The following CCDC39 variants were observed in gnomAD, a reference collection of about 807,000 sequenced individuals.
The protein encoded by CCDC39 is coiled-coil domain-containing protein 39.
CCDC39 carries 113 observed loss-of-function variants against 121.0 expected under a neutral mutation model. That is an observed-to-expected ratio of 0.93 (90% CI 0.80 to 1.09). CCDC39 has a LOEUF of 1.09. Ranked by LOEUF, CCDC39 falls within the 50% of genes least tolerant of loss-of-function variation. The pLI is 0.00. For synonymous variants in CCDC39, 349 were observed against 352.2 expected, an observed-to-expected ratio of 0.99 and a Z score of 0.10; for missense variants, 1,063 against 1,074.7, an observed-to-expected ratio of 0.99 and a Z score of 0.15.
chr3:180,642,315 A>G (rs1333054436), intron 12 of CCDC39, 114 bp from the exon 13 acceptor site: 1 of 540,242 alleles, frequency 1.9e-6, no homozygotes, highest in Non-Finnish European at 3.1e-6. Flanking sequence ...CAATTTAACC[A>G]TTGACTAAGA....
intron 9 of CCDC39, among the ~76,000 whole-genome samples, chr3:180,649,518 A>G (rs1718148151): frequency 6.6e-6 from 1 of 152,240 alleles, no homozygotes. Flanking sequence ...TCTGATATTC[A>G]GTGCATTATT....
intron 1 of CCDC39, among the ~76,000 whole-genome samples, chr3:180,674,291 G>T (rs545578839): frequency 6.6e-6 from 1 of 151,958 alleles, no homozygotes; most frequent in African/African-American, 2.4e-5. Context: ...TCTGTTATTG[G>T]TGTATAAGAA....
chr3:180,623,504 T>C (rs1359672243), intron 14 of CCDC39, among the ~76,000 whole-genome samples: 3 of 151,752 alleles, frequency 2.0e-5, no homozygotes, highest in Non-Finnish European at 2.9e-5. Context: ...TTTGGTTTTG[T>C]TTTTTTTCTT....
intron 11 of CCDC39, 135 bp downstream of exon 11, chr3:180,646,941 TAAG>T: frequency 1.4e-6 from 1 of 717,030 alleles, no homozygotes; most frequent in Non-Finnish European, 2.3e-6. Flanking sequence ...AGTACAAAAA[TAAG>T]AACATTGTTC....
At chr3:180,637,639 T>C (rs968703003) in intron 13 of CCDC39, among the ~76,000 whole-genome samples, 1 of 152,202 alleles carries the variant, frequency 6.6e-6, no homozygotes, top group Non-Finnish European at 1.5e-5. Flanking sequence ...AAATGTTCAT[T>C]GTAGCACTAT....
intron 19 of CCDC39, among the ~76,000 whole-genome samples, chr3:180,615,662 A>G (rs1205281746): frequency 3.3e-5 from 5 of 152,182 alleles, no homozygotes; most frequent in Non-Finnish European, 7.3e-5. Flanking sequence ...ACTAAGGAAT[A>G]GTAATTTAAT....
In CCDC39 at chr3:180,652,194, T is replaced by A; in HGVS notation, c.1003A>T (p.Ile335Leu). The A allele has an allele frequency of 6.5e-7, 1 of 1,534,294 alleles. No homozygotes were observed. ...LEALRKNISK[I>L]KKDIHEETAR... ...GTTTCTTCATGAATGTCCTTCTTTA[T>A]CTTGGAAATATTTTTCCTCAGAGCT... The change falls in exon 8 of 20, where the codon ATA becomes TTA. Residue 335 changes from isoleucine (I) to leucine (L), a missense_variant. Ile to Leu is a conservative substitution (Grantham distance 5, BLOSUM62 2). Transcript: ENST00000476379.
chr3:180,617,663 A>G, intron 16 of CCDC39: 2 of 398,474 alleles, frequency 5.0e-6, no homozygotes, highest in Non-Finnish European at 8.9e-6. Context: ...GAATAAGGAT[A>G]TAAAGAATAT....
At chr3:180,640,269 G>T (rs11923577) in intron 13 of CCDC39, among the ~76,000 whole-genome samples, 11,611 of 152,008 alleles carry the variant, frequency 0.076, 679 homozygotes, top group African/African-American at 0.17. Context: ...ACAATTGAAA[G>T]ACAGGAAAGG....
chr3:180,616,775 G>A, intron 17 of CCDC39, 51 bp downstream of exon 17: 1 of 1,583,868 alleles, frequency 6.3e-7, no homozygotes, highest in Non-Finnish European at 8.6e-7. Context: ...GGAGGATTTG[G>A]GACTTCAAAA....
Position 180,616,324 on chromosome 3 carries a change from G to A in CCDC39, c.2626C>T (p.Arg876Cys), listed in dbSNP as rs745852520. 5.9e-5 allele frequency: 95 copies of A among 1,613,118 alleles called. No homozygotes were observed. The highest frequency in any genetic ancestry group is 1.2e-4 in the African/African-American group (9 of 74,848). ...TGTGAAGGAGATCTAGAGCTCTGAC[G>A]ACTGCCTTTTGTGCTAGCTGTAGGT... Reference protein sequence around the residue: ...ELPTASTKGSRQSSRSPSHTS... With the variant: ...ELPTASTKGSCQSSRSPSHTS... Residue 876 changes from arginine (R) to cysteine (C), a missense_variant, in exon 19 of 20, where the codon CGT becomes TGT. Coordinates refer to ENST00000476379, the MANE Select transcript of CCDC39 (RefSeq NM_181426.2).
chr3:180,624,391 G>A (rs1717504325), intron 14 of CCDC39, among the ~76,000 whole-genome samples: 1 of 151,832 alleles, frequency 6.6e-6, no homozygotes. Flanking sequence ...TAATTGGGTC[G>A]TTTGATCCAT....
At chr3:180,660,820 C>CAAAATTA in intron 3 of CCDC39, 92 bp from the exon 4 acceptor site, 2 of 1,131,866 alleles carry the variant, frequency 1.8e-6, no homozygotes, top group Non-Finnish European at 2.4e-6. Context: ...TACTATGGAG[C>CAAAATTA]AAAATTAAAA....
chr3:180,667,297 A>T (rs1486953830), intron 1 of CCDC39, among the ~76,000 whole-genome samples: 1 of 152,206 alleles, frequency 6.6e-6, no homozygotes, highest in Non-Finnish European at 1.5e-5. Context: ...CTATCAAAAT[A>T]AGGGAATAAT....
At position 180,616,983 on chromosome 3, in the gene CCDC39, A is replaced by G; in HGVS notation, c.2266-17T>C. ...TTCCATGCTCTGTAGAAAAAATATT[A>G]ACATGTATTTTTTAGAATCAGAAAT... is the stretch of plus-strand genomic sequence containing the variant. On this transcript the variant is annotated splice_polypyrimidine_tract_variant and intron_variant, in intron 16 of 19. Transcript: ENST00000476379. 1 of 1,222,356 alleles carries G rather than the reference A, an allele frequency of 8.2e-7. No individual in the cohort carries two copies. Among genetic ancestry groups the G allele is most frequent in the South Asian group, 1.7e-5 (1 of 60,484 alleles). 75.7% of individuals were successfully genotyped at this position (1,222,356 alleles called of 1,614,324 possible). A position where few individuals can be genotyped will look rare whatever the true frequency, so the allele number is the denominator to read the frequency against.
intron 1 of CCDC39, among the ~76,000 whole-genome samples, chr3:180,669,195 T>G (rs528679163): frequency 6.6e-6 from 1 of 152,106 alleles, no homozygotes; most frequent in African/African-American, 2.4e-5. Flanking sequence ...GGATGTCTGG[T>G]GTTTGGCTGA....
Position 180,659,463 on chromosome 3 carries a change from T to C in CCDC39, c.727A>G (p.Asn243Asp). 1 of 1,613,488 alleles carries C rather than the reference T, an allele frequency of 6.2e-7. No homozygotes were observed. Among genetic ancestry groups the C allele is most frequent in the Non-Finnish European group, 8.5e-7 (1 of 1,179,644 alleles). ...QMQKRDGDID[N>D]CALELARIKQ... ...AACAACTACTTTACCAAAGCACAGT[T>C]ATCTATGTCTCCATCCCTCTTCTGC... The change falls in exon 6 of 20, where the codon AAC (asparagine) becomes GAC (aspartate). Residue 243 changes from asparagine to aspartate, a missense_variant. Coordinates refer to ENST00000476379, the MANE Select transcript of CCDC39 (RefSeq NM_181426.2).
chr3:180,676,691 C>T (rs1452539336), intron 1 of CCDC39, among the ~76,000 whole-genome samples: 7 of 152,114 alleles, frequency 4.6e-5, no homozygotes, highest in Admixed American at 1.3e-4. Flanking sequence ...CACATGCACA[C>T]GTATGTTTAT....
chr3:180,619,444 C>A, intron 15 of CCDC39, 79 bp from the exon 16 acceptor site: 1 of 748,496 alleles, frequency 1.3e-6, no homozygotes, highest in Non-Finnish European at 2.2e-6. Flanking sequence ...GTAAATTGCA[C>A]CAATATTTTT....
Sources: gnomAD v4.1 joint callset for allele counts (sites outside exome capture counted in the v4.1 genomes callset) on GRCh38, gnomAD v4.1.1 for gene constraint, MANE v1.5 for transcripts, NCBI Gene and HGNC (gene_info 2026-07-23, HGNC 2026-07-21) for gene names.